The following CTDSPL variants were observed in gnomAD, a reference collection of about 807,000 sequenced individuals.
CTDSPL encodes CTD small phosphatase-like protein.
A neutral mutation model predicts 30.5 loss-of-function variants in CTDSPL; 8 were observed. That is an observed-to-expected ratio of 0.26 (90% CI 0.15 to 0.47). CTDSPL has a LOEUF of 0.47. Among genes scored for constraint, CTDSPL ranks in the 20% least tolerant of loss-of-function variants. CTDSPL has a pLI of 0.99. For synonymous variants in CTDSPL, 110 were observed against 137.9 expected, an observed-to-expected ratio of 0.80 and a Z score of 1.42; for missense variants, 248 against 366.1, an observed-to-expected ratio of 0.68 and a Z score of 2.63.
Position 37,862,372 on chromosome 3 carries a change from G to C in CTDSPL, c.79+94G>C. On this transcript the variant is annotated intron_variant, in intron 1 of 7. Transcript: ENST00000273179. The surrounding 1 kb of genome is among the most constrained non-coding windows in gnomAD (Gnocchi z 4.3). ...CGGGCGCCGGCATGGGCCTGGGGGA[G>C]GGGTGCACAGGGCCCGGAGGGTGCG... 1 of 1,064,066 alleles carries C rather than the reference G, an allele frequency of 9.4e-7. No individual in the cohort carries two copies. Among genetic ancestry groups the C allele is most frequent in the Non-Finnish European group, 1.2e-6 (1 of 811,228 alleles). 65.9% of individuals were successfully genotyped at this position (1,064,066 alleles called of 1,614,324 possible).
At chr3:37,874,268 C>A (rs1387964012) in intron 1 of CTDSPL, among the ~76,000 whole-genome samples, 1 of 152,190 alleles carries the variant, frequency 6.6e-6, no homozygotes, top group Non-Finnish European at 1.5e-5. Flanking sequence ...TCAGAAGGGA[C>A]CACACCACTT....
In CTDSPL at chr3:37,943,277, C is replaced by T. The variant is rs886558963; in HGVS notation, c.80-3780C>T. On this transcript the variant is annotated intron_variant, in intron 1 of 7. Transcript: ENST00000273179. Reference sequence around the variant, plus strand: ...CAAATGATCTCCATGGGGCGGTTGGCGAAGGCTTCCTGGGTGAGGTTGGCT... The same window carrying T: ...CAAATGATCTCCATGGGGCGGTTGGTGAAGGCTTCCTGGGTGAGGTTGGCT... 3.3e-5 allele frequency among the ~76,000 whole-genome samples: 5 copies of T among 150,004 alleles called. No individual in the cohort carries two copies. In the South Asian group the frequency reaches 6.5e-4, roughly 19 times the overall value.
At chr3:37,906,475 C>T (rs897304004) in intron 1 of CTDSPL, among the ~76,000 whole-genome samples, 1 of 152,204 alleles carries the variant, frequency 6.6e-6, no homozygotes, top group Non-Finnish European at 1.5e-5. Flanking sequence ...CCTGCCAGAA[C>T]CCTGCTGGAT....
chr3:37,895,169 G>A (rs2125598458), intron 1 of CTDSPL, among the ~76,000 whole-genome samples: 1 of 152,188 alleles, frequency 6.6e-6, no homozygotes, highest in East Asian at 1.9e-4. Flanking sequence ...ATATTCCTCT[G>A]TACAGGTTTT....
intron 1 of CTDSPL, among the ~76,000 whole-genome samples, chr3:37,878,392 A>G (rs182508705): frequency 6.2e-4 from 94 of 152,324 alleles, no homozygotes; most frequent in Middle Eastern, 3.4e-3. Context: ...GTTTATTTGC[A>G]TACGTGGATG....
At chr3:37,886,648 AGAGCT>A (rs1698266597) in intron 1 of CTDSPL, among the ~76,000 whole-genome samples, 1 of 152,252 alleles carries the variant, frequency 6.6e-6, no homozygotes, top group Admixed American at 6.5e-5. Flanking sequence ...GCAATCCATT[AGAGCT>A]GAGCCTAGTA....
chr3:37,910,861 G>A (rs1698575274), intron 1 of CTDSPL, among the ~76,000 whole-genome samples: 1 of 152,182 alleles, frequency 6.6e-6, no homozygotes, highest in Non-Finnish European at 1.5e-5. Flanking sequence ...CTCACCACAT[G>A]TGAATGTGGT....
intron 1 of CTDSPL, among the ~76,000 whole-genome samples, chr3:37,906,894 A>G (rs1333099285): frequency 3.3e-5 from 5 of 152,162 alleles, no homozygotes; most frequent in Non-Finnish European, 5.9e-5. Flanking sequence ...TCTGGCCCAC[A>G]CACAGTGGTT....
intron 1 of CTDSPL, among the ~76,000 whole-genome samples, chr3:37,923,842 A>G (rs1471123680): frequency 6.6e-6 from 1 of 151,918 alleles, no homozygotes; most frequent in Admixed American, 6.6e-5. Flanking sequence ...TGCAAAATTC[A>G]CACAGTATTA....
intron 4 of CTDSPL, among the ~76,000 whole-genome samples, chr3:37,966,340 C>T (rs1386411737): frequency 6.6e-6 from 1 of 152,252 alleles, no homozygotes; most frequent in Non-Finnish European, 1.5e-5. Flanking sequence ...GCTGTGAACC[C>T]TCTTCCCTTC....
chr3:37,867,218 A>G (rs1276911723), intron 1 of CTDSPL, among the ~76,000 whole-genome samples: 1 of 152,098 alleles, frequency 6.6e-6, no homozygotes. Context: ...ACAGTATGTG[A>G]TCTTTTGGAA....
At chr3:37,972,926 G>T (rs1013853694) in intron 6 of CTDSPL, among the ~76,000 whole-genome samples, 1 of 152,176 alleles carries the variant, frequency 6.6e-6, no homozygotes, top group South Asian at 2.1e-4. Context: ...AGCTTCCTCC[G>T]CCATGTCCTG....
intron 1 of CTDSPL, among the ~76,000 whole-genome samples, chr3:37,927,678 G>GTGTGTA (rs1553684180): frequency 3.9e-4 from 40 of 102,080 alleles, no homozygotes; most frequent in Middle Eastern, 5.6e-3. Flanking sequence ...GTGTGTGTGT[G>GTGTGTA]TATGTGTATA....
chr3:37,883,396 C>T (rs1307559457), intron 1 of CTDSPL, among the ~76,000 whole-genome samples: 2 of 152,204 alleles, frequency 1.3e-5, no homozygotes, highest in Non-Finnish European at 2.9e-5. Flanking sequence ...GAATAGAATT[C>T]AGGGAGTCCA....
At chr3:37,895,583 T>C (rs528427113) in intron 1 of CTDSPL, among the ~76,000 whole-genome samples, 3 of 152,198 alleles carry the variant, frequency 2.0e-5, no homozygotes, top group South Asian at 2.1e-4. Context: ...GAAAAACATA[T>C]CTAGATCTTT....
At chr3:37,955,779 A>G (rs1699165411) in intron 2 of CTDSPL, among the ~76,000 whole-genome samples, 1 of 152,176 alleles carries the variant, frequency 6.6e-6, no homozygotes, top group African/African-American at 2.4e-5. Flanking sequence ...TCTGTGCACT[A>G]AACCCCCATG....
intron 6 of CTDSPL, among the ~76,000 whole-genome samples, chr3:37,971,761 C>T (rs1441769042): frequency 6.6e-6 from 1 of 152,230 alleles, no homozygotes; most frequent in Non-Finnish European, 1.5e-5. Flanking sequence ...TGGGTGTCCA[C>T]AGTCCAGAGA....
intron 1 of CTDSPL, among the ~76,000 whole-genome samples, chr3:37,887,473 G>A (rs1413849728): frequency 6.6e-6 from 1 of 152,204 alleles, no homozygotes; most frequent in African/African-American, 2.4e-5. Flanking sequence ...CACTGCCTGG[G>A]TTTGTATCCC....
Position 37,975,742 on chromosome 3 carries a change from T to C in CTDSPL, c.553T>C (p.Trp185Arg), listed in dbSNP as rs1699418155. 1 of 1,613,888 alleles carries C rather than the reference T, an allele frequency of 6.2e-7. No homozygotes were observed. Among genetic ancestry groups the C allele is most frequent in the Admixed American group, 1.7e-5 (1 of 59,994 alleles). The change falls in exon 7 of 8, where the codon TGG (tryptophan) becomes CGG (arginine). Residue 185 changes from tryptophan to arginine, a missense_variant. Trp to Arg is a moderately radical substitution (Grantham distance 101). This residue lies in a region of CTDSPL where 84 missense variants were observed against 139.4 expected (regional missense o/e 0.60). Transcript: ENST00000273179. The surrounding 1 kb of genome is among the most constrained non-coding windows in gnomAD (Gnocchi z 4.9). ...ADPVADLLDR[W>R]GVFRARLFRE... ...CCCTGTGGCTGACCTCCTAGACCGCTGGGGTGTGTTCCGGGCCCGGCTCTT... is the reference window on the plus strand; with the variant it reads ...CCCTGTGGCTGACCTCCTAGACCGCCGGGGTGTGTTCCGGGCCCGGCTCTT...
Sources: allele counts gnomAD v4.1 joint callset (sites outside exome capture counted in the v4.1 genomes callset), GRCh38; gene constraint gnomAD v4.1.1; regional missense constraint gnomAD v4.1.1; non-coding constraint Gnocchi (gnomAD v3.1); transcripts MANE v1.5; gene names NCBI Gene and HGNC (gene_info 2026-07-23, HGNC 2026-07-21).